Variants in JAK1 observed in about 807,000 individuals in gnomAD.
JAK1 encodes the protein tyrosine-protein kinase JAK1.
A neutral mutation model predicts 136.6 loss-of-function variants in JAK1; 16 were observed. The ratio of observed to expected loss-of-function variants is 0.12; its 90% CI spans 0.08 to 0.18. The LOEUF (loss-of-function observed/expected upper bound fraction) is 0.18. Among genes scored for constraint, JAK1 ranks in the 10% least tolerant of loss-of-function variants. The pLI, the probability that JAK1 is intolerant of heterozygous loss-of-function variation, is 1.00. For missense variants in JAK1, 859 were observed against 1,450.1 expected, an observed-to-expected ratio of 0.59 and a Z score of 6.62; for synonymous variants, 492 against 519.5, an observed-to-expected ratio of 0.95 and a Z score of 0.72.
At chr1:65,056,512 T>G (rs917873359) in intron 1 of JAK1, among the ~76,000 whole-genome samples, 2 of 152,218 alleles carry the variant, frequency 1.3e-5, no homozygotes, top group African/African-American at 4.8e-5. Context: ...GCCTACTCCC[T>G]TTCAGTTCCC....
At chr1:65,032,096 G>A (rs1392386763) in intron 2 of JAK1, among the ~76,000 whole-genome samples, 5 of 151,578 alleles carry the variant, frequency 3.3e-5, no homozygotes, top group African/African-American at 9.7e-5. Flanking sequence ...TTCCCAAGTC[G>A]CTGGGACTAC....
intron 1 of JAK1, among the ~76,000 whole-genome samples, chr1:64,917,348 CA>C (rs1438076058): frequency 6.6e-6 from 1 of 152,044 alleles, no homozygotes; most frequent in Non-Finnish European, 1.5e-5. Context: ...TCAAAGATCT[CA>C]AAAAACAAAC....
intron 1 of JAK1, among the ~76,000 whole-genome samples, chr1:64,961,729 C>G (rs1290783226): frequency 2.0e-5 from 3 of 152,132 alleles, no homozygotes; most frequent in Non-Finnish European, 4.4e-5. Context: ...AACTCCTACT[C>G]ACTCCTGAAG....
chr1:65,036,235 C>A (rs1401033718), intron 2 of JAK1, among the ~76,000 whole-genome samples: 1 of 152,040 alleles, frequency 6.6e-6, no homozygotes, highest in Non-Finnish European at 1.5e-5. Context: ...GAGTTTGAGA[C>A]CAGCCTGGGC....
intron 1 of JAK1, among the ~76,000 whole-genome samples, chr1:64,914,918 G>A (rs542781059): frequency 1.1e-4 from 16 of 152,266 alleles, no homozygotes; most frequent in East Asian, 1.9e-4. Context: ...CTTGGGGAAC[G>A]TGTGATGGGT....
chr1:64,938,071 G>A (rs371734315), intron 1 of JAK1, among the ~76,000 whole-genome samples: 34 of 151,962 alleles, frequency 2.2e-4, no homozygotes, highest in African/African-American at 4.3e-4. Context: ...CAGTAGAGAC[G>A]GGGTTTCACT....
chr1:64,966,770 T>A (rs1337633558), upstream of JAK1, among the ~76,000 whole-genome samples: 1 of 150,396 alleles, frequency 6.6e-6, no homozygotes, highest in Non-Finnish European at 1.5e-5. Flanking sequence ...CTCTAGATTC[T>A]AGAATCTAGA....
chr1:64,898,569 C>G (rs1321318410), intron 1 of JAK1, among the ~76,000 whole-genome samples: 2 of 152,176 alleles, frequency 1.3e-5, no homozygotes, highest in Non-Finnish European at 2.9e-5. Flanking sequence ...CATATCAGAC[C>G]TTCTCAGGCA....
chr1:64,901,010 G>GTGCT (rs1417574061), intron 1 of JAK1, among the ~76,000 whole-genome samples: 41 of 152,272 alleles, frequency 2.7e-4, no homozygotes, highest in Non-Finnish European at 1.0e-4. Context: ...AGAGAGTCCT[G>GTGCT]TGCTTACCTT....
At chr1:65,025,103 A>G (rs904658249) in intron 2 of JAK1, among the ~76,000 whole-genome samples, 1 of 152,216 alleles carries the variant, frequency 6.6e-6, no homozygotes, top group African/African-American at 2.4e-5. Flanking sequence ...TAGCAGCTCC[A>G]GCCACACGTT....
intron 10 of JAK1, 152 bp downstream of exon 10, chr1:64,857,504 C>T (rs1656015056): frequency 2.0e-6 from 2 of 997,976 alleles, no homozygotes; most frequent in Non-Finnish European, 2.9e-6. Context: ...AGAGCAGGGG[C>T]CCTTGCCTGA....
rs1396762763 is a variant in JAK1, at chr1:65,022,413, T to C, written c.-78+22067A>G. Among the ~76,000 whole-genome samples, 5 of 152,024 alleles carry C rather than the reference T, an allele frequency of 3.3e-5. No homozygotes were observed. The South Asian group carries it at 6.2e-4, about 19-fold the overall frequency. ...CAAAATGGATATTCCAGTGCACCCA[T>C]AGGGATTGGAGGGCTCATGTGAGGG... On this transcript the variant is annotated intron_variant, in intron 2 of 25. Coordinates refer to the JAK1 transcript ENST00000671954.
chr1:64,835,272 A>T lies in JAK1; in HGVS notation c.3369+124T>A, dbSNP rs1302601054. On this transcript the variant is annotated intron_variant, in intron 24 of 24. Coordinates refer to ENST00000342505, the MANE Select transcript of JAK1 (RefSeq NM_002227.4). ...CTTATGTGAAATTCAGCTTCAGAAA[A>T]CTATTTTACAAGGACTTCACTGCAT... is the stretch of plus-strand genomic sequence containing the variant. The T allele has an allele frequency of 5.6e-6, 3 of 539,484 alleles. No individual in the cohort carries two copies. The East Asian group carries it at 9.4e-5, about 17-fold the overall frequency. 33.4% of individuals were successfully genotyped at this position (539,484 alleles called of 1,614,324 possible).
At chr1:64,980,157 G>A (rs1479381213) in intron 2 of JAK1, among the ~76,000 whole-genome samples, 1 of 152,172 alleles carries the variant, frequency 6.6e-6, no homozygotes, top group African/African-American at 2.4e-5. Context: ...AAACTCAGAA[G>A]TCAGATGAGA....
At chr1:65,022,553 G>C (rs1257484400) in intron 2 of JAK1, among the ~76,000 whole-genome samples, 1 of 152,100 alleles carries the variant, frequency 6.6e-6, no homozygotes, top group Non-Finnish European at 1.5e-5. Context: ...GTGATGTAAA[G>C]AAAAAATTAA....
intron 1 of JAK1, among the ~76,000 whole-genome samples, chr1:64,896,777 T>C (rs889661030): frequency 5.3e-5 from 8 of 151,358 alleles, no homozygotes; most frequent in African/African-American, 1.9e-4. Flanking sequence ...GGTCTAAGAG[T>C]GGGGCTGGTG....
intron 2 of JAK1, among the ~76,000 whole-genome samples, chr1:65,001,766 G>GTGTGTGGTA (rs1452801329): frequency 6.6e-6 from 1 of 151,740 alleles, no homozygotes; most frequent in Non-Finnish European, 1.5e-5. Context: ...TTGAGTGTGA[G>GTGTGTGGTA]TGTGTGGTAT....
At chr1:64,902,583 A>AGAGAGAGAGAGAGAGAGAGT in intron 1 of JAK1, among the ~76,000 whole-genome samples, 37 of 73,792 alleles carry the variant, frequency 5.0e-4, no homozygotes, top group South Asian at 1.3e-3. Context: ...AGAGAGAGAG[A>AGAGAGAGAGAGAGAGAGAGT]GTGTGTGTGT....
chr1:64,880,341 C>T (rs943915012), intron 3 of JAK1, among the ~76,000 whole-genome samples: 1 of 152,094 alleles, frequency 6.6e-6, no homozygotes, highest in African/African-American at 2.4e-5. Flanking sequence ...AGGCAAATGG[C>T]TTTTGGATTC....
Sources: gnomAD v4.1 joint callset for allele counts (sites outside exome capture counted in the v4.1 genomes callset) on GRCh38, gnomAD v4.1.1 for gene constraint, MANE v1.5 for transcripts, NCBI Gene and HGNC (gene_info 2026-07-23, HGNC 2026-07-21) for gene names.